Variants in TBC1D1 observed in about 807,000 individuals in gnomAD.
TBC1D1 encodes TBC1 domain family member 1.
Under a neutral mutation model 125.6 loss-of-function variants are expected in TBC1D1, and 89 were observed. The observed-to-expected ratio is 0.71, with a 90% CI of 0.60 to 0.85. The LOEUF (loss-of-function observed/expected upper bound fraction) is 0.85. TBC1D1 is among the 40% of genes least tolerant of loss of function. TBC1D1 has a pLI of 0.00. For missense variants in TBC1D1, 1,377 were observed against 1,469.2 expected (o/e 0.94, Z 1.03); for synonymous variants, 565 against 564.1 (o/e 1.00, Z -0.02).
chr4:37,905,830 G>A (rs1226916645), intron 2 of TBC1D1, among the ~76,000 whole-genome samples: 2 of 152,158 alleles, frequency 1.3e-5, no homozygotes, highest in East Asian at 3.9e-4. Context: ...GTAAAACTAT[G>A]TTTCATCACC....
chr4:38,027,724 T>C (rs77101953), intron 6 of TBC1D1, 64 bp from the exon 7 acceptor site: 1 of 1,003,588 alleles, frequency 1.0e-6, no homozygotes, highest in East Asian at 2.5e-5. Context: ...GTGGAAGAGG[T>C]TAACTCCCTA....
intron 2 of TBC1D1, chr4:37,996,241 C>T (rs1199873528): frequency 7.1e-6 from 2 of 280,354 alleles, no homozygotes; most frequent in African/African-American, 2.2e-5. Context: ...GTCTTCTGGC[C>T]AGTCGCCCGG....
intron 2 of TBC1D1, among the ~76,000 whole-genome samples, chr4:37,958,768 A>G (rs1729386637): frequency 6.6e-6 from 1 of 152,222 alleles, no homozygotes; most frequent in Non-Finnish European, 1.5e-5. Context: ...AATTCCTGCT[A>G]ATGGTATAAT....
In TBC1D1 at chr4:38,049,691, A is replaced by G. The variant is rs1192782608; in HGVS notation, c.1703A>G (p.Asp568Gly). Reference sequence around the variant, plus strand: ...TTTAAGCTCCTCGGCTCCTCGGAGGACCTGTCCAGTGACTCGGAGAGTCAT... The same window carrying G: ...TTTAAGCTCCTCGGCTCCTCGGAGGGCCTGTCCAGTGACTCGGAGAGTCAT... Residue 568 changes from aspartate (D) to glycine (G), a missense_variant, in exon 11 of 20, where the codon GAC becomes GGC. Asp to Gly is a moderately conservative substitution (Grantham distance 94). This residue lies in a region of TBC1D1 where 822 missense variants were observed against 824.6 expected (regional missense o/e 1.00). Transcript: ENST00000261439. 5 of 1,613,942 alleles carry G rather than the reference A, an allele frequency of 3.1e-6. No homozygotes were observed. The highest frequency in any genetic ancestry group is 4.2e-6 in the Non-Finnish European group (5 of 1,180,006).
intron 2 of TBC1D1, chr4:37,961,254 A>G (rs183954199): frequency 3.3e-6 from 2 of 611,618 alleles, no homozygotes; most frequent in Admixed American, 6.2e-5. Context: ...GAAACAGGAG[A>G]CAGGAAATAG....
At chr4:38,087,599 T>C (rs1757703149) in intron 12 of TBC1D1, among the ~76,000 whole-genome samples, 1 of 152,028 alleles carries the variant, frequency 6.6e-6, no homozygotes, top group Admixed American at 6.6e-5. Context: ...TCTAGCACTT[T>C]GGGAGGCCGA....
At chr4:38,129,478 T>G (rs1170630015) in intron 18 of TBC1D1, among the ~76,000 whole-genome samples, 2 of 152,328 alleles carry the variant, frequency 1.3e-5, no homozygotes, top group East Asian at 3.9e-4. Context: ...GTGGGTTTGA[T>G]GTTTTTTGTA....
At chr4:38,137,017 C>T in intron 19 of TBC1D1, 118 bp from the exon 22 acceptor site, 1 of 1,513,902 alleles carries the variant, frequency 6.6e-7, no homozygotes, top group East Asian at 2.3e-5. Context: ...AAACTGTAGA[C>T]TCATCCCTGC....
At chr4:37,956,459 T>C (rs1200388121) in intron 2 of TBC1D1, among the ~76,000 whole-genome samples, 2 of 152,222 alleles carry the variant, frequency 1.3e-5, no homozygotes, top group African/African-American at 2.4e-5. Flanking sequence ...GACTAGACAG[T>C]ACCTGGCCCC....
intron 2 of TBC1D1, among the ~76,000 whole-genome samples, chr4:37,923,415 T>A (rs1348292438): frequency 6.6e-6 from 1 of 152,188 alleles, no homozygotes; most frequent in African/African-American, 2.4e-5. Flanking sequence ...AATAAACATA[T>A]GTGTGCATGT....
intron 2 of TBC1D1, among the ~76,000 whole-genome samples, chr4:37,986,835 G>C (rs1735572953): frequency 6.6e-6 from 1 of 152,098 alleles, no homozygotes; most frequent in African/African-American, 2.4e-5. Flanking sequence ...TAGTCGGGTT[G>C]GGGTGGGTGG....
intron 2 of TBC1D1, among the ~76,000 whole-genome samples, chr4:37,942,595 G>C: frequency 6.6e-6 from 1 of 151,994 alleles, no homozygotes. Context: ...CTGGAGTGCA[G>C]TGGCACGATC....
intron 17 of TBC1D1, among the ~76,000 whole-genome samples, chr4:38,120,449 T>C (rs1051873747): frequency 3.3e-5 from 5 of 152,262 alleles, no homozygotes; most frequent in Non-Finnish European, 7.3e-5. Context: ...AGCTTAGTTT[T>C]ATATTTCAAA....
chr4:37,955,371 C>G (rs1424272854), intron 2 of TBC1D1, among the ~76,000 whole-genome samples: 1 of 152,108 alleles, frequency 6.6e-6, no homozygotes, highest in Non-Finnish European at 1.5e-5. Flanking sequence ...GTTTTACCAC[C>G]CCTGTGGATA....
intron 2 of TBC1D1, among the ~76,000 whole-genome samples, chr4:38,008,431 T>C (rs978491883): frequency 1.2e-4 from 19 of 152,262 alleles, no homozygotes; most frequent in African/African-American, 4.6e-4. Flanking sequence ...GTTTTGTGTT[T>C]GCATAGACCA....
At chr4:38,102,659 G>C (rs565859305) in intron 14 of TBC1D1, among the ~76,000 whole-genome samples, 1 of 152,044 alleles carries the variant, frequency 6.6e-6, no homozygotes, top group South Asian at 2.1e-4. Flanking sequence ...CAGGAGTATC[G>C]CTTGAGCCCA....
intron 2 of TBC1D1, chr4:37,952,949 A>AC (rs1728191268): frequency 1.3e-5 from 2 of 152,214 alleles, no homozygotes; most frequent in South Asian, 4.1e-4. Context: ...TCAAATCAAG[A>AC]CATTTGATTG....
chr4:37,901,368 G>A (rs1330688695), intron 1 of TBC1D1, among the ~76,000 whole-genome samples: 2 of 152,002 alleles, frequency 1.3e-5, no homozygotes, highest in African/African-American at 4.8e-5. Flanking sequence ...TGTTGGCCAG[G>A]CTGGTCTCAA....
At chr4:38,029,783 A>G (rs1745790645) in intron 7 of TBC1D1, among the ~76,000 whole-genome samples, 1 of 152,234 alleles carries the variant, frequency 6.6e-6, no homozygotes, top group Non-Finnish European at 1.5e-5. Context: ...TCATGTCTCA[A>G]ATAGCCTAGA....
Sources: allele counts gnomAD v4.1 joint callset (sites outside exome capture counted in the v4.1 genomes callset), GRCh38; gene constraint gnomAD v4.1.1; regional missense constraint gnomAD v4.1.1; transcripts MANE v1.5; gene names NCBI Gene and HGNC (gene_info 2026-07-23, HGNC 2026-07-21).